NSMCE2: variants seen among roughly 807,000 people sequenced by gnomAD.
NSMCE2 encodes NSE2 SUMO ligase component of SMC5/6 complex.
A neutral mutation model predicts 23.8 loss-of-function variants in NSMCE2; 24 were observed. The observed-to-expected ratio is 1.01, with a 90% confidence interval of 0.73 to 1.42. The LOEUF (loss-of-function observed/expected upper bound fraction) is 1.42. NSMCE2 is among the 40% of genes most tolerant of loss of function. NSMCE2 has a pLI of 0.00. For missense variants in NSMCE2, 284 were observed against 296.5 expected (o/e 0.96, Z 0.31); for synonymous variants, 92 against 94.1 (o/e 0.98, Z 0.13).
In NSMCE2 at chr8:125,357,829, G is replaced by T; in HGVS notation, c.626+11G>T. On this transcript the variant is annotated intron_variant, in intron 7 of 7. Coordinates refer to ENST00000287437, the MANE Select transcript of NSMCE2 (RefSeq NM_173685.4). ...GAAGAAAAAGGCCTAGTGAGTGGAC[G>T]CAGGGAAGGAAGTGGAGCCTTCCCT... 2 of 1,588,234 alleles carry T rather than the reference G, an allele frequency of 1.3e-6. No individual in the cohort carries two copies. The highest frequency in any genetic ancestry group is 1.7e-6 in the Non-Finnish European group (2 of 1,156,404).
chr8:125,363,160 A>G (rs758022239), intron 7 of NSMCE2: 2 of 152,200 alleles, frequency 1.3e-5, no homozygotes, highest in African/African-American at 2.4e-5. Context: ...TTCTAGTCAC[A>G]AAAGTGTCTG....
chr8:125,209,263 C>G (rs540271872), intron 5 of NSMCE2, among the ~76,000 whole-genome samples: 1 of 152,288 alleles, frequency 6.6e-6, no homozygotes, highest in African/African-American at 2.4e-5. Context: ...TAATGTGTAT[C>G]TCTGCTGACG....
chr8:125,125,114 A>G (rs752754506), intron 3 of NSMCE2, among the ~76,000 whole-genome samples: 9 of 152,020 alleles, frequency 5.9e-5, no homozygotes, highest in Non-Finnish European at 1.2e-4. Flanking sequence ...AGATCATGTC[A>G]TCTGTGAATG....
chr8:125,138,340 C>T lies in NSMCE2; in HGVS notation c.158-12831C>T, dbSNP rs138313353. Among the ~76,000 whole-genome samples, 312 of 152,232 alleles carry T rather than the reference C, an allele frequency of 2.0e-3. 1 individual carries two copies. The highest frequency in any genetic ancestry group is 6.3e-3 in the African/African-American group (262 of 41,552). On this transcript the variant is annotated intron_variant, in intron 3 of 7. Transcript: ENST00000287437. Reference sequence around the variant, plus strand: ...CTGGTTTCAAGTGATCCTCCCACCTCGGTCTCCTGAGTAGCTGGGACTTTA... The same window carrying T: ...CTGGTTTCAAGTGATCCTCCCACCTTGGTCTCCTGAGTAGCTGGGACTTTA...
intron 3 of NSMCE2, among the ~76,000 whole-genome samples, chr8:125,105,646 C>T (rs1279273019): frequency 1.3e-5 from 2 of 152,098 alleles, no homozygotes; most frequent in Admixed American, 6.5e-5. Context: ...CTCTGTAGGC[C>T]ATGTGGTTTC....
At chr8:125,354,471 A>G (rs1813169330) in intron 5 of NSMCE2, among the ~76,000 whole-genome samples, 1 of 152,170 alleles carries the variant, frequency 6.6e-6, no homozygotes, top group Non-Finnish European at 1.5e-5. Flanking sequence ...ATAGACCTTT[A>G]ACATTTAGTA....
At chr8:125,237,406 A>T (rs532906649) in intron 5 of NSMCE2, among the ~76,000 whole-genome samples, 3 of 152,322 alleles carry the variant, frequency 2.0e-5, no homozygotes, top group African/African-American at 7.2e-5. Flanking sequence ...TGTCACTGTT[A>T]CGGTTCCTAA....
chr8:125,310,367 G>A (rs992070819), intron 5 of NSMCE2, among the ~76,000 whole-genome samples: 25 of 152,036 alleles, frequency 1.6e-4, no homozygotes, highest in African/African-American at 5.8e-4. Flanking sequence ...AACATTATAG[G>A]ATTGTCATGG....
intron 5 of NSMCE2, among the ~76,000 whole-genome samples, chr8:125,203,570 G>A (rs1019187616): frequency 6.6e-6 from 1 of 152,136 alleles, no homozygotes; most frequent in Non-Finnish European, 1.5e-5. Context: ...TAGCAAAATT[G>A]AGCATAAGAT....
chr8:125,139,119 C>T (rs1820222575), intron 3 of NSMCE2, among the ~76,000 whole-genome samples: 1 of 152,170 alleles, frequency 6.6e-6, no homozygotes, highest in Non-Finnish European at 1.5e-5. Flanking sequence ...AGCGGTGGAA[C>T]AAGCTTTGCC....
At chr8:125,352,345 G>T (rs893875226) in intron 5 of NSMCE2, among the ~76,000 whole-genome samples, 1 of 151,972 alleles carries the variant, frequency 6.6e-6, no homozygotes, top group East Asian at 1.9e-4. Flanking sequence ...AGGTGGTGGT[G>T]CATGCCTGTA....
rs1025975898 is a variant in NSMCE2, at chr8:125,091,962, G to A, written c.-111+4G>A. ...CGGAGACAGCTTGGACTACCAGGTAGGGAAGAAGCGGGGGACGGCAATGGG... is the reference window on the plus strand; with the variant it reads ...CGGAGACAGCTTGGACTACCAGGTAAGGAAGAAGCGGGGGACGGCAATGGG... On this transcript the variant is annotated splice_donor_region_variant and intron_variant, in intron 1 of 7. Transcript: ENST00000287437. The A allele has an allele frequency of 6.6e-6, 1 of 152,480 alleles. No individual in the cohort carries two copies. The highest frequency in any genetic ancestry group is 6.5e-5 in the Admixed American group (1 of 15,288). The allele number at this position is 152,480 out of a possible 1,614,324, so 9.4% of individuals were successfully genotyped here.
At chr8:125,251,380 G>C (rs1563744316) in intron 5 of NSMCE2, among the ~76,000 whole-genome samples, 1 of 152,156 alleles carries the variant, frequency 6.6e-6, no homozygotes, top group Non-Finnish European at 1.5e-5. Context: ...TGAAACAATG[G>C]AAAATTATAT....
chr8:125,297,916 A>G (rs1828393021), intron 5 of NSMCE2, among the ~76,000 whole-genome samples: 1 of 152,248 alleles, frequency 6.6e-6, no homozygotes, highest in Non-Finnish European at 1.5e-5. Context: ...ACTTCATAAT[A>G]TTAATGTGGA....
intron 5 of NSMCE2, among the ~76,000 whole-genome samples, chr8:125,353,837 C>A (rs150877820): frequency 6.6e-6 from 1 of 151,076 alleles, no homozygotes; most frequent in African/African-American, 2.4e-5. Context: ...GAGCCAAGAT[C>A]GTGCCATTGC....
At chr8:125,136,401 G>A (rs1268352859) in intron 3 of NSMCE2, among the ~76,000 whole-genome samples, 1 of 152,224 alleles carries the variant, frequency 6.6e-6, no homozygotes, top group African/African-American at 2.4e-5. Context: ...AGAATAGATA[G>A]ACATTTGTGA....
In NSMCE2 at chr8:125,225,472, G is replaced by T. The variant is rs536898061; in HGVS notation, c.418+43216G>T. Among the ~76,000 whole-genome samples, 5 of 152,276 alleles carry T rather than the reference G, an allele frequency of 3.3e-5. No homozygotes were observed. The East Asian group carries it at 9.7e-4, about 29-fold the overall frequency. On this transcript the variant is annotated intron_variant, in intron 5 of 7. Coordinates refer to ENST00000287437, the MANE Select transcript of NSMCE2 (RefSeq NM_173685.4). ...CTTGGCTTTGTCTAAGTTCCTGAGA[G>T]AGCTGCAAAAAGAGGTTGAAGAAGT... is the stretch of plus-strand genomic sequence containing the variant.
At chr8:125,253,544 A>G (rs1012669389) in intron 5 of NSMCE2, among the ~76,000 whole-genome samples, 43 of 152,140 alleles carry the variant, frequency 2.8e-4, no homozygotes, top group Non-Finnish European at 3.1e-4. Context: ...GATCCATTCC[A>G]GGGGATTTTG....
intron 1 of NSMCE2, among the ~76,000 whole-genome samples, chr8:125,098,809 G>C (rs567717249): frequency 6.6e-6 from 1 of 152,022 alleles, no homozygotes; most frequent in Non-Finnish European, 1.5e-5. Flanking sequence ...GGGGTAGGGT[G>C]GGAGAGAAGG....
Sources: allele counts gnomAD v4.1 joint callset (sites outside exome capture counted in the v4.1 genomes callset), GRCh38; gene constraint gnomAD v4.1.1; transcripts MANE v1.5; gene names NCBI Gene and HGNC (gene_info 2026-07-23, HGNC 2026-07-21).